Variants in CCDC88C observed in about 807,000 individuals in gnomAD.
The protein encoded by CCDC88C is protein Daple.
Under a neutral mutation model 198.8 loss-of-function variants are expected in CCDC88C, and 131 were observed. That is an observed-to-expected ratio of 0.66 (90% confidence interval 0.57 to 0.76). The LOEUF is 0.76. Among genes scored for constraint, CCDC88C ranks in the 30% least tolerant of loss-of-function variants. The pLI, the probability that CCDC88C is intolerant of heterozygous loss-of-function variation, is 0.00. For missense variants in CCDC88C, 2,553 were observed against 2,631.6 expected, an observed-to-expected ratio of 0.97 and a Z score of 0.65; for synonymous variants, 1,166 against 1,114.7, an observed-to-expected ratio of 1.05 and a Z score of -0.92.
intron 17 of CCDC88C, 126 bp downstream of exon 17, chr14:91,308,225 T>C: frequency 9.2e-7 from 1 of 1,092,708 alleles, no homozygotes; most frequent in Non-Finnish European, 1.3e-6. Context: ...AGTCACTCTG[T>C]GGCGCATCTA....
chr14:91,378,271 G>A (rs1223856648), intron 3 of CCDC88C, among the ~76,000 whole-genome samples: 1 of 152,154 alleles, frequency 6.6e-6, no homozygotes, highest in Non-Finnish European at 1.5e-5. Flanking sequence ...AGGGACAGGG[G>A]GTGACAAGAG....
chr14:91,373,459 A>C (rs542074286), intron 3 of CCDC88C, among the ~76,000 whole-genome samples: 4 of 152,310 alleles, frequency 2.6e-5, no homozygotes, highest in African/African-American at 9.6e-5. Context: ...TCCAGCATGG[A>C]TAAATAAGAC....
intron 23 of CCDC88C, among the ~76,000 whole-genome samples, chr14:91,293,511 T>TTTCCCATCCTCACGTGCCACAGCTC (rs1567055618): frequency 0.011 from 106 of 9,736 alleles, 43 homozygotes; most frequent in South Asian, 0.014. Context: ...TGCCACGGCC[T>TTTCCCATCCTCACGTGCCACAGCTC]ACCTTCCTGT....
At chr14:91,360,587 G>A (rs1390772900) in intron 3 of CCDC88C, among the ~76,000 whole-genome samples, 5 of 152,194 alleles carry the variant, frequency 3.3e-5, no homozygotes, top group African/African-American at 7.2e-5. Context: ...TATAGCATGG[G>A]CTTCCTAAGC....
At chr14:91,361,410 G>A (rs570527766) in intron 3 of CCDC88C, among the ~76,000 whole-genome samples, 14 of 152,314 alleles carry the variant, frequency 9.2e-5, no homozygotes, top group Admixed American at 6.5e-4. Context: ...CCATCTCTGA[G>A]TCAGATTAGA....
intron 4 of CCDC88C, among the ~76,000 whole-genome samples, chr14:91,348,023 T>C (rs1341570458): frequency 6.6e-6 from 1 of 152,196 alleles, no homozygotes; most frequent in Non-Finnish European, 1.5e-5. Flanking sequence ...GGTGAGTTTT[T>C]GAGATGGAGT....
intron 12 of CCDC88C, among the ~76,000 whole-genome samples, chr14:91,321,937 C>G (rs1204095959): frequency 6.6e-6 from 1 of 152,170 alleles, no homozygotes; most frequent in Non-Finnish European, 1.5e-5. Context: ...ACTATCTACT[C>G]TGCTTTTAAA....
At chr14:91,345,190 A>ATATATATATATTTTTTTTTT (rs1246878587) in intron 4 of CCDC88C, among the ~76,000 whole-genome samples, 1 of 52,204 alleles carries the variant, frequency 1.9e-5, no homozygotes, top group African/African-American at 7.9e-5. Context: ...ATATATATAT[A>ATATATATATATTTTTTTTTT]TTTTTTTTTT....
chr14:91,302,156 C>T lies in CCDC88C; in HGVS notation c.3635+1545G>A, dbSNP rs750321220. ...CCCATGAACCCACAAGCATCATCAG[C>T]GCCCGCACAAGGCTTTTGTGATTCA... On this transcript the variant is annotated intron_variant, in intron 20 of 29. Coordinates refer to ENST00000389857, the MANE Select transcript of CCDC88C (RefSeq NM_001080414.4). Among the ~76,000 whole-genome samples, 6 of 152,302 alleles carry T rather than the reference C, an allele frequency of 3.9e-5. No individual in the cohort carries two copies. The South Asian group carries it at 1.0e-3, about 26-fold the overall frequency.
intron 3 of CCDC88C, among the ~76,000 whole-genome samples, chr14:91,373,997 G>A (rs769810122): frequency 2.6e-5 from 4 of 152,184 alleles, no homozygotes; most frequent in Admixed American, 6.5e-5. Context: ...CCCACACAGG[G>A]AACTGAGATC....
intron 13 of CCDC88C, among the ~76,000 whole-genome samples, chr14:91,320,569 G>A (rs191239137): frequency 2.0e-5 from 3 of 152,224 alleles, no homozygotes; most frequent in Admixed American, 6.5e-5. Flanking sequence ...GCAGCCAGCC[G>A]ATCAGAAGCA....
At chr14:91,299,810 A>T in intron 21 of CCDC88C, 117 bp downstream of exon 21, 5 of 1,326,004 alleles carry the variant, frequency 3.8e-6, no homozygotes, top group Non-Finnish European at 4.0e-6. Flanking sequence ...TTCACACAGC[A>T]AGGGATAAAA....
chr14:91,273,591 TG>T lies in CCDC88C; in HGVS notation c.5120del (p.Pro1707GlnfsTer39). ...GTGGTCCTGGTTGGCCTCCGATGGCTGGGGGATCGCTGGCCTTTCGGAAGTA... is the reference window on the plus strand; with the variant it reads ...GTGGTCCTGGTTGGCCTCCGATGGCTGGGGATCGCTGGCCTTTCGGAAGTA... ...SDYFRKASDP[P>X]AIGGQPGPPA... On this transcript the variant is annotated frameshift_variant, in exon 30 of 30. Transcript: ENST00000389857. LOFTEE classifies it low-confidence loss of function (END_TRUNC). The surrounding 1 kb of genome is among the most constrained non-coding windows in gnomAD (Gnocchi z 5.6). 3 of 1,494,790 alleles carry T rather than the reference TG, an allele frequency of 2.0e-6. No individual in the cohort carries two copies. Among genetic ancestry groups the T allele is most frequent in the African/African-American group, 1.4e-5 (1 of 70,930 alleles). 92.6% of individuals were successfully genotyped at this position (1,494,790 alleles called of 1,614,324 possible). A position where few individuals can be genotyped will look rare whatever the true frequency, so the allele number is the denominator to read the frequency against.
intron 3 of CCDC88C, among the ~76,000 whole-genome samples, chr14:91,389,146 C>T (rs374866371): frequency 1.3e-5 from 2 of 152,200 alleles, no homozygotes; most frequent in Admixed American, 1.3e-4. Flanking sequence ...TGAAGACCTG[C>T]CTGGCCCTTA....
intron 24 of CCDC88C, 117 bp downstream of exon 24, chr14:91,290,878 G>T: frequency 1.6e-6 from 1 of 642,928 alleles, no homozygotes. Flanking sequence ...GATGTGGGAG[G>T]CATCTGTGCA....
Position 91,339,248 on chromosome 14 carries a change from C to A in CCDC88C, c.809+30G>T, listed in dbSNP as rs372457859. 4.7e-5 allele frequency: 75 copies of A among 1,610,222 alleles called. No homozygotes were observed. Among genetic ancestry groups the A allele is most frequent in the Non-Finnish European group, 5.6e-5 (66 of 1,179,044 alleles). On this transcript the variant is annotated intron_variant, in intron 8 of 29. Transcript: ENST00000389857. The surrounding 1 kb of genome is among the most constrained non-coding windows in gnomAD (Gnocchi z 5.8). ...ACCAGAAACATGTCTGCAACACACA[C>A]AAAGGTAGGAGAAGCAGCCGGGGAC...
At chr14:91,358,336 C>A (rs1894138498) in intron 4 of CCDC88C, among the ~76,000 whole-genome samples, 1 of 152,192 alleles carries the variant, frequency 6.6e-6, no homozygotes, top group South Asian at 2.1e-4. Flanking sequence ...GGAAATGTCT[C>A]TAATGTTTAG....
chr14:91,297,181 T>C, intron 22 of CCDC88C, 124 bp downstream of exon 22: 1 of 999,714 alleles, frequency 1.0e-6, no homozygotes, highest in Non-Finnish European at 1.5e-6. Context: ...CTGTGCCACC[T>C]CCACACATTT....
intron 10 of CCDC88C, among the ~76,000 whole-genome samples, chr14:91,337,054 T>C (rs1893079287): frequency 6.6e-6 from 1 of 152,220 alleles, no homozygotes; most frequent in Non-Finnish European, 1.5e-5. Flanking sequence ...TCTAACCACT[T>C]CCAGCCCCCC....
Sources: gnomAD v4.1 joint callset for allele counts (sites outside exome capture counted in the v4.1 genomes callset) on GRCh38, gnomAD v4.1.1 for gene constraint, Gnocchi (gnomAD v3.1) non-coding constraint, MANE v1.5 for transcripts, NCBI Gene and HGNC (gene_info 2026-07-23, HGNC 2026-07-21) for gene names.